Variants in CAMK4 observed in about 807,000 individuals in gnomAD.
CAMK4 encodes the protein calcium/calmodulin-dependent protein kinase type IV.
Under a neutral mutation model 44.9 loss-of-function variants are expected in CAMK4, and 22 were observed. The ratio of observed to expected loss-of-function variants is 0.49; its 90% CI spans 0.35 to 0.70. CAMK4 has a LOEUF of 0.70. Ranked by LOEUF, CAMK4 falls within the 30% of genes least tolerant of loss-of-function variation. CAMK4 has a pLI of 0.01. For synonymous variants in CAMK4, 218 were observed against 215.4 expected (o/e 1.01, Z -0.11); for missense variants, 498 against 586.8 (o/e 0.85, Z 1.56).
At chr5:111,423,696 A>G (rs1753112374) in intron 5 of CAMK4, among the ~76,000 whole-genome samples, 1 of 152,210 alleles carries the variant, frequency 6.6e-6, no homozygotes, top group African/African-American at 2.4e-5. Context: ...CACAACATTT[A>G]TTATACCTTC....
At chr5:111,285,349 T>C (rs1409121950) in intron 1 of CAMK4, among the ~76,000 whole-genome samples, 1 of 152,256 alleles carries the variant, frequency 6.6e-6, no homozygotes, top group African/African-American at 2.4e-5. Context: ...AATGTGCTTA[T>C]TCACATAAGC....
chr5:111,419,778 G>C (rs928900471), intron 5 of CAMK4, among the ~76,000 whole-genome samples: 1 of 151,956 alleles, frequency 6.6e-6, no homozygotes, highest in South Asian at 2.1e-4. Context: ...ATTTCTGAGG[G>C]CTCTGTTCTG....
chr5:111,350,066 A>T (rs1017181160), intron 2 of CAMK4, among the ~76,000 whole-genome samples: 7 of 152,140 alleles, frequency 4.6e-5, no homozygotes, highest in African/African-American at 1.7e-4. Context: ...TGCCAGACAG[A>T]CTGAGTTTAG....
chr5:111,448,295 T>A (rs1169957923), intron 6 of CAMK4, among the ~76,000 whole-genome samples: 2 of 152,228 alleles, frequency 1.3e-5, no homozygotes, highest in Non-Finnish European at 2.9e-5. Context: ...GTGAAATACA[T>A]TGGAGACTGA....
At chr5:111,349,966 T>G (rs1459758750) in intron 2 of CAMK4, among the ~76,000 whole-genome samples, 3 of 152,008 alleles carry the variant, frequency 2.0e-5, no homozygotes, top group Non-Finnish European at 2.9e-5. Context: ...GTCTGAGATC[T>G]AATCTCCGTG....
intron 4 of CAMK4, among the ~76,000 whole-genome samples, chr5:111,377,465 G>A (rs1384182851): frequency 2.5e-5 from 3 of 118,824 alleles, no homozygotes; most frequent in African/African-American, 9.7e-5. Context: ...GCCAACTTTG[G>A]TTTCCTGTTC....
At position 111,473,914 on chromosome 5, in the gene CAMK4, A is replaced by G. The variant is rs543196624; in HGVS notation, c.701+528A>G. ...TAACACCCTACACAAATTTCTTGGG[A>G]AAAAAAATGAGTGAAATATTTTAAT... On this transcript the variant is annotated intron_variant, in intron 8 of 10. Coordinates refer to ENST00000282356, the MANE Select transcript of CAMK4 (RefSeq NM_001744.6). 4.6e-5 allele frequency among the ~76,000 whole-genome samples: 7 copies of G among 151,864 alleles called. No homozygotes were observed. In the East Asian group the frequency reaches 5.8e-4, roughly 13 times the overall value.
At chr5:111,354,445 C>CACA (rs1554064161) in intron 2 of CAMK4, among the ~76,000 whole-genome samples, 20 of 125,138 alleles carry the variant, frequency 1.6e-4, no homozygotes, top group Middle Eastern at 4.6e-3. Context: ...ATTCTCACCA[C>CACA]AAAAAAAAAA....
chr5:111,419,411 G>A (rs1277168674), intron 5 of CAMK4, among the ~76,000 whole-genome samples: 3 of 152,104 alleles, frequency 2.0e-5, no homozygotes, highest in South Asian at 2.1e-4. Context: ...CACTCTGATG[G>A]TAGTTTCTTT....
At position 111,290,130 on chromosome 5, in the gene CAMK4, A is replaced by G. The variant is rs1012195496; in HGVS notation, c.162-53894A>G. 1.3e-5 allele frequency among the ~76,000 whole-genome samples: 2 copies of G among 152,152 alleles called. No individual in the cohort carries two copies. Among genetic ancestry groups the G allele is most frequent in the African/African-American group, 4.8e-5 (2 of 41,438 alleles). On this transcript the variant is annotated intron_variant, in intron 1 of 10. Transcript: ENST00000282356. The surrounding 1 kb of genome is among the most constrained non-coding windows in gnomAD (Gnocchi z 4.5). ...TCAAGGCCTGTCAAGTATCGTATAT[A>G]TGCCATTGGTTCAACACATAAACCC...
intron 1 of CAMK4, among the ~76,000 whole-genome samples, chr5:111,303,287 A>G (rs1424405731): frequency 1.5e-5 from 2 of 135,622 alleles, no homozygotes; most frequent in African/African-American, 6.0e-5. Context: ...TCAGACGATC[A>G]GATTACTCTG....
At chr5:111,286,830 A>G (rs1324742807) in intron 1 of CAMK4, among the ~76,000 whole-genome samples, 3 of 152,192 alleles carry the variant, frequency 2.0e-5, no homozygotes, top group Non-Finnish European at 2.9e-5. Flanking sequence ...GAAAACTGCT[A>G]CTAATGCTAC....
At chr5:111,252,076 T>A (rs1164731186) in intron 1 of CAMK4, among the ~76,000 whole-genome samples, 1 of 152,224 alleles carries the variant, frequency 6.6e-6, no homozygotes, top group East Asian at 1.9e-4. Flanking sequence ...GGCAGAGTTA[T>A]GGGATGCCAA....
chr5:111,335,465 A>G (rs1660932), intron 1 of CAMK4, among the ~76,000 whole-genome samples: 63,706 of 151,050 alleles, frequency 0.42, 13,946 homozygotes, highest in South Asian at 0.58. Context: ...TGGAGGAAAA[A>G]ATAAAATTAA....
chr5:111,469,460 A>G (rs1425524407), intron 7 of CAMK4, among the ~76,000 whole-genome samples: 1 of 152,084 alleles, frequency 6.6e-6, no homozygotes, highest in Non-Finnish European at 1.5e-5. Context: ...TTTGGAGAGT[A>G]AGGTTACACC....
At chr5:111,234,405 C>T (rs1362399270) in intron 1 of CAMK4, among the ~76,000 whole-genome samples, 2 of 152,076 alleles carry the variant, frequency 1.3e-5, no homozygotes, top group Non-Finnish European at 2.9e-5. Context: ...TAAAGGAATA[C>T]AGATTGCACA....
At chr5:111,243,073 A>C (rs184765993) in intron 1 of CAMK4, among the ~76,000 whole-genome samples, 136 of 152,286 alleles carry the variant, frequency 8.9e-4, no homozygotes, top group Middle Eastern at 3.4e-3. Flanking sequence ...GCAGATGTTT[A>C]AAACATTATT....
At chr5:111,314,970 C>T (rs1050876964) in intron 1 of CAMK4, among the ~76,000 whole-genome samples, 51 of 152,078 alleles carry the variant, frequency 3.4e-4, no homozygotes, top group African/African-American at 1.2e-3. Context: ...AGATAAGATA[C>T]TGCAGTAGCA....
intron 7 of CAMK4, among the ~76,000 whole-genome samples, chr5:111,469,164 AAAAAAAAAATATATATATATAT>A (rs1298098034): frequency 3.4e-5 from 2 of 58,576 alleles, no homozygotes; most frequent in Admixed American, 3.4e-4. Flanking sequence ...AAAAAAAAAA[AAAAAAAAAATATATATATATAT>A]ATATATATAT....
Sources: allele counts gnomAD v4.1 joint callset (sites outside exome capture counted in the v4.1 genomes callset), GRCh38; gene constraint gnomAD v4.1.1; non-coding constraint Gnocchi (gnomAD v3.1); transcripts MANE v1.5; gene names NCBI Gene and HGNC (gene_info 2026-07-23, HGNC 2026-07-21).